The following PPP1R3F variants were observed in gnomAD, a reference collection of about 807,000 sequenced individuals.
The protein encoded by PPP1R3F is protein phosphatase 1, regulatory (inhibitor) subunit 3F.
A neutral mutation model predicts 24.2 loss-of-function variants in PPP1R3F; 29 were observed. That is an observed-to-expected ratio of 1.20 (90% CI 0.89 to 1.63). The LOEUF is 1.63. Ranked by LOEUF, PPP1R3F falls within the 40% of genes most tolerant of loss-of-function variation. The pLI is 0.00. For synonymous variants in PPP1R3F, 363 were observed against 340.1 expected (o/e 1.07, Z -0.74); for missense variants, 823 against 729.3 (o/e 1.13, Z -1.48).
At chrX:49,290,055 C>T (rs1471154777), downstream of PPP1R3F, among the ~76,000 whole-genome samples, 4 of 109,627 alleles carry the variant, frequency 3.6e-5, no homozygotes, top group Non-Finnish European at 5.7e-5. Flanking sequence ...GGCAACAGAG[C>T]GAGACTCTTG....
chrX:49,271,650 T>C (rs1230845256), intron 1 of PPP1R3F, among the ~76,000 whole-genome samples: 2 of 112,921 alleles, frequency 1.8e-5, no homozygotes, highest in African/African-American at 6.4e-5. Flanking sequence ...TGATGGCACC[T>C]GGCTCTTCCA....
At position 49,269,847 on chromosome X, in the gene PPP1R3F, T is replaced by C. The variant is rs782310196; in HGVS notation, c.-23T>C. On this transcript the variant is annotated 5_prime_UTR_variant, in exon 1 of 4. Coordinates refer to ENST00000055335, the MANE Select transcript of PPP1R3F (RefSeq NM_033215.5). Reference sequence around the variant, plus strand: ...CCCGCCGGTCCCGCCGCCGGTGCCGTCGGTGCCGCCGCCGCCGCCGATATG... The same window carrying C: ...CCCGCCGGTCCCGCCGCCGGTGCCGCCGGTGCCGCCGCCGCCGCCGATATG... 6 of 874,736 alleles carry C rather than the reference T, an allele frequency of 6.9e-6. No homozygotes were observed. The African/African-American group carries it at 1.3e-4, about 19-fold the overall frequency. The allele number at this position is 874,736 out of a possible 1,213,427, so 72.1% of individuals were successfully genotyped here.
downstream of PPP1R3F, among the ~76,000 whole-genome samples, chrX:49,291,334 C>CTG (rs2066308498): frequency 2.1e-5 from 2 of 95,949 alleles, no homozygotes; most frequent in Non-Finnish European, 4.4e-5. Context: ...CTCTGTCTCT[C>CTG]TCCTTTCTTT....
Position 49,270,699 on chromosome X carries a change from A to G in PPP1R3F, c.830A>G (p.His277Arg), listed in dbSNP as rs1557119045. The change falls in exon 1 of 4, where the codon CAC becomes CGC. Residue 277 changes from histidine to arginine, a missense_variant. By Grantham distance (29) the His-to-Arg change is conservative. Transcript: ENST00000055335. ...GAGGGCACTTTCTGGGCCAACAACC[A>G]CGGCCGCAACTACACAGTCCTGCTC... ...TPEGTFWANNHGRNYTVLLRI... is the reference protein window; with the variant it reads ...TPEGTFWANNRGRNYTVLLRI... 8.3e-7 allele frequency: 1 copy of G among 1,207,816 alleles called. No individual in the cohort carries two copies. The highest frequency in any genetic ancestry group is 2.2e-5 in the Admixed American group (1 of 45,848).
In PPP1R3F at chrX:49,295,367, C is replaced by T. The variant is rs192483572; in HGVS notation, c.393-5984C>T. 2.2e-4 allele frequency among the ~76,000 whole-genome samples: 24 copies of T among 111,451 alleles called. No homozygotes were observed. The East Asian group carries it at 5.1e-3, about 24-fold the overall frequency. On this transcript the variant is annotated intron_variant, in intron 3 of 3. Transcript: ENST00000471261. ...CCATGTTGGCCAGGCTCATCTCGAA[C>T]TCCTGGGCTCAAGCGATCCCCCCAC... is the stretch of plus-strand genomic sequence containing the variant.
At chrX:49,297,828 CTTTTTTTTTTTT>C (rs61353822) in intron 3 of PPP1R3F, among the ~76,000 whole-genome samples, 2 of 19,598 alleles carry the variant, frequency 1.0e-4, no homozygotes, top group African/African-American at 3.0e-4. Context: ...GCAACCCCTG[CTTTTTTTTTTTT>C]TTTTTTTTTT....
chrX:49,281,705 G>T lies in PPP1R3F; in HGVS notation c.1060+244G>T, dbSNP rs73634217. Among the ~76,000 whole-genome samples the T allele has an allele frequency of 7.4e-5, 8 of 108,694 alleles. No individual in the cohort carries two copies. In the East Asian group the frequency reaches 2.3e-3, roughly 32 times the overall value. 94.4% of individuals were successfully genotyped at this position (108,694 alleles called of 115,157 possible). A position where few individuals can be genotyped will look rare whatever the true frequency, so the allele number is the denominator to read the frequency against. On this transcript the variant is annotated intron_variant, in intron 2 of 3. Coordinates refer to ENST00000055335, the MANE Select transcript of PPP1R3F (RefSeq NM_033215.5). ...AAGACGGGCATGCTGGCATGCATCC[G>T]TAGTCCCTGCTACTCGGGAGGCTGA...
chrX:49,299,942 T>C (rs1216054055), intron 3 of PPP1R3F, among the ~76,000 whole-genome samples: 3 of 112,214 alleles, frequency 2.7e-5, no homozygotes, highest in Non-Finnish European at 5.6e-5. Flanking sequence ...CTTAGTTTGC[T>C]GGGCTCCGTG....
At chrX:49,288,870 G>A (rs1557122085), downstream of PPP1R3F, among the ~76,000 whole-genome samples, 1 of 112,154 alleles carries the variant, frequency 8.9e-6, no homozygotes, top group African/African-American at 3.2e-5. Flanking sequence ...GCCGGGTGCT[G>A]TGGCTCACTC....
intron 1 of PPP1R3F, 119 bp downstream of exon 1, chrX:49,270,992 G>A (rs1255581491): frequency 1.5e-5 from 11 of 723,941 alleles, no homozygotes; most frequent in Non-Finnish European, 2.2e-5. Flanking sequence ...GGTGCATTGA[G>A]TCAGTCAGTC....
intron 3 of PPP1R3F, among the ~76,000 whole-genome samples, chrX:49,284,509 C>CTT (rs145170789): frequency 0.017 from 884 of 50,816 alleles, 45 homozygotes; most frequent in African/African-American, 0.061. Context: ...CTTTTTCTTT[C>CTT]TTTTTTTTTT....
intron 3 of PPP1R3F, among the ~76,000 whole-genome samples, chrX:49,283,832 C>T (rs942750808): frequency 4.5e-5 from 5 of 110,007 alleles, no homozygotes; most frequent in East Asian, 2.8e-4. Flanking sequence ...TTGTATTAAA[C>T]GAATGTATTT....
At chrX:49,299,398 G>C (rs782554407) in intron 3 of PPP1R3F, among the ~76,000 whole-genome samples, 1 of 111,734 alleles carries the variant, frequency 8.9e-6, no homozygotes, top group African/African-American at 3.2e-5. Flanking sequence ...TCCCAGAGGG[G>C]CACCTGCCAG....
chrX:49,295,639 G>A (rs1286741169), intron 3 of PPP1R3F, among the ~76,000 whole-genome samples: 2 of 110,975 alleles, frequency 1.8e-5, no homozygotes, highest in African/African-American at 6.6e-5. Flanking sequence ...TGGTATCAGG[G>A]TAATGCTATT....
Position 49,270,772 on chromosome X carries a change from G to GCAGCAGCGGCTGCCC in PPP1R3F, c.910_911insGGCTGCCCCAGCAGC (p.Gln303_Gln304insArgLeuProGlnGln), listed in dbSNP as rs2066173966. 12 of 1,194,618 alleles carry GCAGCAGCGGCTGCCC rather than the reference G, an allele frequency of 1.0e-5. No individual in the cohort carries two copies. The highest frequency in any genetic ancestry group is 1.2e-5 in the Non-Finnish European group (11 of 887,333). On this transcript the variant is annotated inframe_insertion, in exon 1 of 4. Transcript: ENST00000055335. ...CCACTGATGCCGAAGGGCTGCCCCA[G>GCAGCAGCGGCTGCCC]CAGCAGCAGCTGCCGCAGCTGGAGC...
intron 3 of PPP1R3F, among the ~76,000 whole-genome samples, chrX:49,284,744 G>A (rs2066271456): frequency 9.0e-6 from 1 of 110,603 alleles, no homozygotes; most frequent in Non-Finnish European, 1.9e-5. Context: ...CTCCTGACCT[G>A]CCTGGTGATC....
Position 49,270,540 on chromosome X carries a change from TG to T in PPP1R3F, c.674del (p.Gly225ValfsTer101). The T allele has an allele frequency of 8.3e-7, 1 of 1,204,676 alleles. No homozygotes were observed. ...GDPILDPGLG[L>X]GPGQASASSP... Reference sequence around the variant, plus strand: ...CCCATCCTGGATCCGGGGCTCGGCCTGGGTCCCGGCCAGGCATCCGCCTCCT... The same window carrying T: ...CCCATCCTGGATCCGGGGCTCGGCCTGGTCCCGGCCAGGCATCCGCCTCCT... On this transcript the variant is annotated frameshift_variant, in exon 1 of 4. Coordinates refer to ENST00000055335, the MANE Select transcript of PPP1R3F (RefSeq NM_033215.5). LOFTEE classifies it high-confidence loss of function.
At position 49,288,019 on chromosome X, in the gene PPP1R3F, A is replaced by G; in HGVS notation, c.*929A>G. The G allele has an allele frequency of 8.9e-6, 1 of 112,483 alleles. No individual in the cohort carries two copies. Among genetic ancestry groups the G allele is most frequent in the South Asian group, 3.7e-4 (1 of 2,727 alleles). 9.3% of individuals were successfully genotyped at this position (112,483 alleles called of 1,213,427 possible). On this transcript the variant is annotated 3_prime_UTR_variant, in exon 4 of 4. Transcript: ENST00000055335. ...CCACAGACATCACATTTCTACTAAA[A>G]ACAGGAAGCCCAGAAGCTTTGAAAG... is the stretch of plus-strand genomic sequence containing the variant.
chrX:49,288,207 T>C (rs1176546076), downstream of PPP1R3F: 2 of 112,580 alleles, frequency 1.8e-5, no homozygotes, highest in Admixed American at 1.9e-4. Flanking sequence ...CAATCAGATC[T>C]TTTTTGCCCA....
Sources: allele counts gnomAD v4.1 joint callset (sites outside exome capture counted in the v4.1 genomes callset), GRCh38; gene constraint gnomAD v4.1.1; transcripts MANE v1.5; gene names NCBI Gene and HGNC (gene_info 2026-07-23, HGNC 2026-07-21).